The following OR52I2 variants were observed in gnomAD, a reference collection of about 807,000 sequenced individuals.
The protein encoded by OR52I2 is olfactory receptor 52I2.
For missense variants in OR52I2, 350 were observed against 402.4 expected (o/e 0.87, Z 1.11); for synonymous variants, 147 against 151.9 (o/e 0.97, Z 0.24).
chr11:4,588,463 G>A (rs1273829396), exon 2 of OR52I2: 1 of 154,030 alleles, frequency 6.5e-6, no homozygotes, highest in African/African-American at 2.4e-5. Flanking sequence ...CACCCCTCTA[G>A]CCTCTTGTAT....
chr11:4,588,357 T>C (rs903288084), exon 2 of OR52I2: 1 of 160,544 alleles, frequency 6.2e-6, no homozygotes, highest in Non-Finnish European at 1.4e-5. Flanking sequence ...CTAGAAACTT[T>C]ATAGCTTGTG....
At position 4,588,727 on chromosome 11, in the gene OR52I2, T is replaced by A. The variant is rs1419277465; in HGVS notation, c.*862T>A. 4 of 152,226 alleles carry A rather than the reference T, an allele frequency of 2.6e-5. No individual in the cohort carries two copies. The East Asian group carries it at 5.8e-4, about 22-fold the overall frequency. 9.4% of individuals were successfully genotyped at this position (152,226 alleles called of 1,614,324 possible). A position where few individuals can be genotyped will look rare whatever the true frequency, so the allele number is the denominator to read the frequency against. On this transcript the variant is annotated 3_prime_UTR_variant, in exon 2 of 2. Transcript: ENST00000641896. Reference sequence around the variant, plus strand: ...AGAACTGAGGAAATGTGAACTCGACTTTGAGATATGAAGTACACTGTCAGT... The same window carrying A: ...AGAACTGAGGAAATGTGAACTCGACATTGAGATATGAAGTACACTGTCAGT...
At chr11:4,585,977 T>G (rs951310501) in intron 1 of OR52I2, among the ~76,000 whole-genome samples, 3 of 152,200 alleles carry the variant, frequency 2.0e-5, no homozygotes, top group African/African-American at 7.2e-5. Context: ...CCTTGTTGCC[T>G]GGAATGTCTT....
intron 1 of OR52I2, among the ~76,000 whole-genome samples, chr11:4,585,876 C>T (rs939229156): frequency 8.5e-5 from 13 of 152,318 alleles, no homozygotes; most frequent in Admixed American, 8.5e-4. Flanking sequence ...TGAAGGAATA[C>T]ACTCAGACTA....
chr11:4,587,681 A>G lies in OR52I2; in HGVS notation c.791A>G (p.Tyr264Cys), dbSNP rs753970193. 48 of 1,614,068 alleles carry G rather than the reference A, an allele frequency of 3.0e-5. No homozygotes were observed. The highest frequency in any genetic ancestry group is 6.7e-5 in the East Asian group (3 of 44,898). Reference sequence around the variant, plus strand: ...TATCTACCTGGGATGGCATCCATCTATGCGGCCTGGTTGGGGCAGGATGTA... The same window carrying G: ...TATCTACCTGGGATGGCATCCATCTGTGCGGCCTGGTTGGGGCAGGATGTA... The change falls in exon 2 of 2, where the codon TAT becomes TGT. Residue 264 changes from tyrosine (Y) to cysteine (C), a missense_variant. By Grantham distance (194) the Tyr-to-Cys change is radical. Transcript: ENST00000641896.
intron 1 of OR52I2, 67 bp from the exon 2 acceptor site, chr11:4,586,805 A>G (rs1421441431): frequency 1.9e-6 from 3 of 1,609,996 alleles, no homozygotes; most frequent in East Asian, 4.5e-5. Flanking sequence ...AGGTTTTCCC[A>G]GCACCACATG....
chr11:4,582,350 A>G lies in OR52I2; in HGVS notation c.-20+486A>G, dbSNP rs1846263315. On this transcript the variant is annotated intron_variant, in intron 1 of 1. Coordinates refer to ENST00000641896, the Ensembl canonical transcript of OR52I2. The stretch of plus-strand genomic sequence containing the variant: ...ACTTCCCACTCTTTTAATAGAAATG[A>G]AAAATCCTCACAGGTCTTGTGCTTT... Among the ~76,000 whole-genome samples the G allele has an allele frequency of 2.0e-5, 3 of 152,254 alleles. No homozygotes were observed. The South Asian group carries it at 6.2e-4, about 32-fold the overall frequency.
At chr11:4,585,068 A>T (rs537168616) in intron 1 of OR52I2, among the ~76,000 whole-genome samples, 110 of 152,298 alleles carry the variant, frequency 7.2e-4, no homozygotes, top group African/African-American at 2.6e-3. Flanking sequence ...TCTCCTTTTT[A>T]TGGATGAAGA....
Position 4,590,355 on chromosome 11 carries a change from C to G in OR52I2, c.*2490C>G, listed in dbSNP as rs891222722. 30 of 152,086 alleles carry G rather than the reference C, an allele frequency of 2.0e-4. 1 individual carries two copies. Among genetic ancestry groups the G allele is most frequent in the African/African-American group, 7.2e-4 (30 of 41,410 alleles). The allele number at this position is 152,086 out of a possible 1,614,324, so 9.4% of individuals were successfully genotyped here. On this transcript the variant is annotated 3_prime_UTR_variant, in exon 2 of 2. Coordinates refer to ENST00000641896, the Ensembl canonical transcript of OR52I2. ...TGATGGAGATCAACGTTAATCTTAG[C>G]CAAACAATGTTCAGTATCAATAGGC...
At chr11:4,584,053 C>T (rs1846280704) in intron 1 of OR52I2, among the ~76,000 whole-genome samples, 1 of 152,060 alleles carries the variant, frequency 6.6e-6, no homozygotes, top group Non-Finnish European at 1.5e-5. Flanking sequence ...AGTGATGCCC[C>T]GATGAGAACT....
At chr11:4,584,399 G>C (rs928166242) in intron 1 of OR52I2, among the ~76,000 whole-genome samples, 2 of 152,198 alleles carry the variant, frequency 1.3e-5, no homozygotes, top group African/African-American at 4.8e-5. Flanking sequence ...CTGGAGTTCA[G>C]GTCTGTGACC....
chr11:4,587,120 T>A, exon 2 of OR52I2: 1 of 1,614,230 alleles, frequency 6.2e-7, no homozygotes, highest in Non-Finnish European at 8.5e-7. Flanking sequence ...GACATTGTTA[T>A]GGCCTCCTCG....
At chr11:4,586,915 A>G in exon 2 of OR52I2, 1 of 1,614,194 alleles carries the variant, frequency 6.2e-7, no homozygotes, top group Non-Finnish European at 8.5e-7. Flanking sequence ...TTATAACCAC[A>G]CAATGGAAAC....
At chr11:4,584,178 G>A (rs950515564) in intron 1 of OR52I2, among the ~76,000 whole-genome samples, 1 of 152,186 alleles carries the variant, frequency 6.6e-6, no homozygotes, top group African/African-American at 2.4e-5. Context: ...AGCTAGTCTT[G>A]AGGCTTGGCA....
At chr11:4,584,535 A>T (rs928898886) in intron 1 of OR52I2, among the ~76,000 whole-genome samples, 3 of 152,184 alleles carry the variant, frequency 2.0e-5, no homozygotes, top group African/African-American at 4.8e-5. Context: ...ATCTGAATTC[A>T]GTTTGGCAAG....
At chr11:4,588,779 T>G (rs1450257767) in exon 2 of OR52I2, 1 of 152,220 alleles carries the variant, frequency 6.6e-6, no homozygotes, top group African/African-American at 2.4e-5. Flanking sequence ...TAAAGTGAAG[T>G]GAAATACGGT....
chr11:4,586,257 TTC>T (rs1217827041), intron 1 of OR52I2, among the ~76,000 whole-genome samples: 44 of 152,102 alleles, frequency 2.9e-4, no homozygotes, highest in African/African-American at 9.9e-4. Flanking sequence ...ACAAGGATAC[TTC>T]TTTCATATTT....
intron 1 of OR52I2, among the ~76,000 whole-genome samples, chr11:4,582,496 G>C (rs976925731): frequency 1.5e-5 from 2 of 130,372 alleles, no homozygotes; most frequent in African/African-American, 3.0e-5. Context: ...CTGGAGTGCA[G>C]TGGCATGATC....
exon 2 of OR52I2, chr11:4,591,546 AAGG>A (rs555497238): frequency 5.4e-4 from 82 of 152,338 alleles, no homozygotes; most frequent in African/African-American, 1.9e-3. Context: ...GGGTTTTAGG[AAGG>A]AGATCAATTG....
Sources: gnomAD v4.1 joint callset for allele counts (sites outside exome capture counted in the v4.1 genomes callset) on GRCh38, gnomAD v4.1.1 for gene constraint, MANE v1.5 for transcripts, NCBI Gene and HGNC (gene_info 2026-07-23, HGNC 2026-07-21) for gene names.